The following DBF4 variants were observed in gnomAD, a reference collection of about 807,000 sequenced individuals.
DBF4 encodes the protein DBF4-CDC7 kinase regulatory subunit.
DBF4 carries 25 observed loss-of-function variants against 76.6 expected under a neutral mutation model. That is an observed-to-expected ratio of 0.33 (90% CI 0.24 to 0.46). The LOEUF is 0.46. DBF4 is among the 20% of genes least tolerant of loss of function. The pLI, the probability that DBF4 is intolerant of heterozygous loss-of-function variation, is 1.00. For missense variants in DBF4, 638 were observed against 760.8 expected, an observed-to-expected ratio of 0.84 and a Z score of 1.90; for synonymous variants, 213 against 258.0, an observed-to-expected ratio of 0.83 and a Z score of 1.67.
chr7:87,896,649 A>C, intron 7 of DBF4, 139 bp downstream of exon 7: 1 of 674,296 alleles, frequency 1.5e-6, no homozygotes, highest in African/African-American at 1.9e-5. Flanking sequence ...TCCTTGGTGA[A>C]GTTTGGTGAA....
At position 87,888,034 on chromosome 7, in the gene DBF4, A is replaced by T; in HGVS notation, c.572A>T (p.Lys191Ile). ...AAAAAAGAGTTGTATTTACTCAAGA[A>T]ATCAAGTACTTCAGTAAGAGATGGG... ...QKKKELYLLKKSSTSVRDGGK... is the reference protein window; with the variant it reads ...QKKKELYLLKISSTSVRDGGK... The change falls in exon 6 of 12, where the codon AAA (lysine) becomes ATA (isoleucine). Residue 191 changes from lysine to isoleucine, a missense_variant. Lys to Ile is a moderately radical substitution (Grantham distance 102, BLOSUM62 -3). Coordinates refer to ENST00000265728, the MANE Select transcript of DBF4 (RefSeq NM_006716.4). The T allele has an allele frequency of 6.4e-7, 1 of 1,562,554 alleles. No homozygotes were observed. Among genetic ancestry groups the T allele is most frequent in the Non-Finnish European group, 8.6e-7 (1 of 1,157,426 alleles).
In DBF4 at chr7:87,887,924, C is replaced by T. The variant is rs1839398793; in HGVS notation, c.521-59C>T. The T allele has an allele frequency of 2.9e-6, 4 of 1,401,548 alleles. No homozygotes were observed. The Admixed American group carries it at 7.6e-5, about 27-fold the overall frequency. 86.8% of individuals were successfully genotyped at this position (1,401,548 alleles called of 1,614,324 possible). On this transcript the variant is annotated intron_variant, in intron 5 of 11. Transcript: ENST00000265728. ...ATCTAATTTAACTACAAGAAAATATCACTGTTTAACTCCAAGAGTAAAATT... is the reference window on the plus strand; with the variant it reads ...ATCTAATTTAACTACAAGAAAATATTACTGTTTAACTCCAAGAGTAAAATT...
chr7:87,901,765 A>C (rs951518388), intron 10 of DBF4, among the ~76,000 whole-genome samples: 6 of 152,346 alleles, frequency 3.9e-5, no homozygotes, highest in African/African-American at 1.4e-4. Context: ...AGTGTTTGGC[A>C]CATAGTAAGT....
chr7:87,892,514 C>CTTA (rs1839518816), intron 6 of DBF4, among the ~76,000 whole-genome samples: 3 of 152,296 alleles, frequency 2.0e-5, no homozygotes, highest in African/African-American at 7.2e-5. Flanking sequence ...CTTCCAAGTT[C>CTTA]TGGCAGTTAT....
At chr7:87,900,986 A>G (rs1403200744) in intron 10 of DBF4, 108 bp downstream of exon 10, 1 of 919,334 alleles carries the variant, frequency 1.1e-6, no homozygotes, top group East Asian at 2.4e-5. Flanking sequence ...TAAGAACTCA[A>G]GGGAGGAAAT....
intron 10 of DBF4, among the ~76,000 whole-genome samples, chr7:87,903,332 G>C (rs751235326): frequency 6.6e-6 from 1 of 152,210 alleles, no homozygotes; most frequent in Non-Finnish European, 1.5e-5. Flanking sequence ...GCCCTCCTTG[G>C]CTCCCCAAAG....
rs1465900835 is a variant in DBF4 at position 87,909,312 on chromosome 7, A to G, written c.*1149A>G. Reference sequence around the variant, plus strand: ...TGTAGGAGTAAGACTACCACCAGTGACATTCAATTGGTTCTATTGCATAGT... The same window carrying G: ...TGTAGGAGTAAGACTACCACCAGTGGCATTCAATTGGTTCTATTGCATAGT... On this transcript the variant is annotated 3_prime_UTR_variant, in exon 12 of 12. Transcript: ENST00000265728. 1 of 152,240 alleles carries G rather than the reference A, an allele frequency of 6.6e-6. No individual in the cohort carries two copies. Among genetic ancestry groups the G allele is most frequent in the Non-Finnish European group, 1.5e-5 (1 of 68,038 alleles). The allele number at this position is 152,240 out of a possible 1,614,324, so 9.4% of individuals were successfully genotyped here. A position where few individuals can be genotyped will look rare whatever the true frequency, so the allele number is the denominator to read the frequency against.
At chr7:87,892,589 G>C (rs1839521526) in intron 6 of DBF4, among the ~76,000 whole-genome samples, 1 of 152,010 alleles carries the variant, frequency 6.6e-6, no homozygotes, top group South Asian at 2.1e-4. Flanking sequence ...AACTCATTTG[G>C]GTAAATAACC....
At chr7:87,893,422 T>C (rs1173958542) in intron 6 of DBF4, among the ~76,000 whole-genome samples, 1 of 151,580 alleles carries the variant, frequency 6.6e-6, no homozygotes, top group African/African-American at 2.4e-5. Context: ...ATTTTTTGTA[T>C]TTTTAGTAGA....
At chr7:87,903,114 G>A (rs543473485) in intron 10 of DBF4, among the ~76,000 whole-genome samples, 44 of 152,074 alleles carry the variant, frequency 2.9e-4, no homozygotes, top group Non-Finnish European at 7.4e-5. Flanking sequence ...ATGGAGTCTC[G>A]CTCTGTCACC....
At chr7:87,900,918 C>T (rs367713181) in intron 10 of DBF4, 40 bp downstream of exon 10, 101 of 1,486,450 alleles carry the variant, frequency 6.8e-5, no homozygotes, top group Non-Finnish European at 9.0e-5. Context: ...GTTTCGAAAA[C>T]TGTAATACTT....
At chr7:87,902,318 CA>C (rs143501829) in intron 10 of DBF4, among the ~76,000 whole-genome samples, 2,841 of 152,114 alleles carry the variant, frequency 0.019, 73 homozygotes, top group African/African-American at 0.055. Context: ...AGAGTAAAGA[CA>C]TTTTTTTTTT....
Position 87,909,170 on chromosome 7 carries a change from A to G in DBF4, c.*1007A>G, listed in dbSNP as rs565628962. On this transcript the variant is annotated 3_prime_UTR_variant, in exon 12 of 12. Coordinates refer to ENST00000265728, the MANE Select transcript of DBF4 (RefSeq NM_006716.4). ...ATAGATACAGTTTTGGGATATATAC[A>G]AGGATTGCCTTGATCTGGCACTTAC... The G allele has an allele frequency of 2.8e-4, 42 of 152,338 alleles. No homozygotes were observed. Among genetic ancestry groups the G allele is most frequent in the African/African-American group, 9.4e-4 (39 of 41,580 alleles). The allele number at this position is 152,338 out of a possible 1,614,324, so 9.4% of individuals were successfully genotyped here.
chr7:87,888,062 ATGT>A lies in DBF4; in HGVS notation c.597+5_597+7del. ...CAAGTACTTCAGTAAGAGATGGGGT[ATGT>A]TTTCTTTTTCAATTTTTAAAGTGAC... On this transcript the variant is annotated splice_donor_5th_base_variant and intron_variant, in intron 6 of 11. Coordinates refer to ENST00000265728, the MANE Select transcript of DBF4 (RefSeq NM_006716.4). 1 of 1,538,770 alleles carries A rather than the reference ATGT, an allele frequency of 6.5e-7. No homozygotes were observed. The highest frequency in any genetic ancestry group is 8.7e-7 in the Non-Finnish European group (1 of 1,148,704).
rs936114882 is a variant in DBF4 at position 87,904,353 on chromosome 7, A to G, written c.986A>G (p.Asp329Gly). 3 of 1,613,910 alleles carry G rather than the reference A, an allele frequency of 1.9e-6. No individual in the cohort carries two copies. The highest frequency in any genetic ancestry group is 1.7e-6 in the Non-Finnish European group (2 of 1,179,868). The change falls in exon 11 of 12, where the codon GAT (aspartate) becomes GGT (glycine). Residue 329 changes from aspartate to glycine, a missense_variant. Asp to Gly is a moderately conservative substitution (Grantham distance 94). Coordinates refer to ENST00000265728, the MANE Select transcript of DBF4 (RefSeq NM_006716.4). Reference protein sequence around the residue: ...AQSNQYQVVDDIVSKLVFDFV... With the variant: ...AQSNQYQVVDGIVSKLVFDFV... ...AGTAACCAGTATCAAGTTGTTGATGATATTGTATCTAAGTTAGTTTTTGAC... is the reference window on the plus strand; with the variant it reads ...AGTAACCAGTATCAAGTTGTTGATGGTATTGTATCTAAGTTAGTTTTTGAC...
At chr7:87,885,251 T>C (rs1254609844) in intron 3 of DBF4, 93 bp downstream of exon 3, 13 of 1,113,652 alleles carry the variant, frequency 1.2e-5, no homozygotes, top group East Asian at 9.8e-5. Flanking sequence ...AGTTTACTTA[T>C]GTAGAACATT....
At chr7:87,904,818 G>T (rs1290020415) in intron 11 of DBF4, among the ~76,000 whole-genome samples, 1 of 152,110 alleles carries the variant, frequency 6.6e-6, no homozygotes, top group Non-Finnish European at 1.5e-5. Context: ...TTCTTAGAAG[G>T]AATATGTATT....
At chr7:87,878,887 G>A (rs956927631) in intron 2 of DBF4, among the ~76,000 whole-genome samples, 2 of 152,158 alleles carry the variant, frequency 1.3e-5, no homozygotes, top group Admixed American at 6.5e-5. Context: ...GAAGGTCTGC[G>A]TCTTTGAATG....
Position 87,907,637 on chromosome 7 carries a change from G to T in DBF4, c.1499G>T (p.Ser500Ile). The stretch of plus-strand genomic sequence containing the variant: ...GTTTCTGATTTCAGTACAGATAATA[G>T]TGGATCTCAACCAAAACAGAAGTCA... Reference protein sequence around the residue: ...VHVSDFSTDNSGSQPKQKSDT... With the variant: ...VHVSDFSTDNIGSQPKQKSDT... Residue 500 changes from serine (S) to isoleucine (I), a missense_variant, in exon 12 of 12, where the codon AGT becomes ATT. Physicochemically the swap from Ser to Ile is moderately radical, Grantham distance 142. Coordinates refer to ENST00000265728, the MANE Select transcript of DBF4 (RefSeq NM_006716.4). The T allele has an allele frequency of 6.2e-7, 1 of 1,614,068 alleles. No individual in the cohort carries two copies. The highest frequency in any genetic ancestry group is 1.1e-5 in the South Asian group (1 of 91,078).
Sources: allele counts gnomAD v4.1 joint callset (sites outside exome capture counted in the v4.1 genomes callset), GRCh38; gene constraint gnomAD v4.1.1; transcripts MANE v1.5; gene names NCBI Gene and HGNC (gene_info 2026-07-23, HGNC 2026-07-21).